The following TMCC1 variants were observed in gnomAD, a reference collection of about 807,000 sequenced individuals.
The protein encoded by TMCC1 is transmembrane and coiled-coil domain family 1.
In TMCC1, 15 loss-of-function variants were observed where a neutral mutation model predicts 52.4. The observed-to-expected ratio is 0.29, with a 90% CI of 0.19 to 0.44. The LOEUF is 0.44. TMCC1 is among the 20% of genes least tolerant of loss of function. The pLI is 1.00. For missense variants in TMCC1, 503 were observed against 806.0 expected (o/e 0.62, Z 4.55); for synonymous variants, 279 against 301.9 (o/e 0.92, Z 0.79).
intron 3 of TMCC1, among the ~76,000 whole-genome samples, chr3:129,831,111 T>C (rs2058889957): frequency 6.6e-6 from 1 of 152,128 alleles, no homozygotes. Flanking sequence ...ATTTTTGTAT[T>C]TTTAGAGAGA....
At chr3:129,722,220 C>T (rs1443639547) in intron 4 of TMCC1, among the ~76,000 whole-genome samples, 1 of 152,148 alleles carries the variant, frequency 6.6e-6, no homozygotes, top group African/African-American at 2.4e-5. Flanking sequence ...AGTATTACCA[C>T]CTGAGCTCCA....
rs1206633650 is a variant in TMCC1 at position 129,817,184 on chromosome 3, T to TA, written c.576+10618dup. Among the ~76,000 whole-genome samples, 14 of 151,994 alleles carry TA rather than the reference T, an allele frequency of 9.2e-5. No individual in the cohort carries two copies. The South Asian group carries it at 2.7e-3, about 29-fold the overall frequency. ...CAATTTTAAAAGATAAAATTTAAAT[T>TA]AAAAAAAAGGCAAGCACATTTGAAT... On this transcript the variant is annotated intron_variant, in intron 4 of 6. Coordinates refer to ENST00000393238, the MANE Select transcript of TMCC1 (RefSeq NM_001017395.5).
At chr3:129,827,308 T>C (rs556730216) in intron 4 of TMCC1, among the ~76,000 whole-genome samples, 3 of 152,366 alleles carry the variant, frequency 2.0e-5, no homozygotes, top group African/African-American at 7.2e-5. Flanking sequence ...ATAATGTATA[T>C]GCTCTACTGT....
intron 4 of TMCC1, among the ~76,000 whole-genome samples, chr3:129,683,257 C>T (rs1221810219): frequency 1.3e-5 from 2 of 152,150 alleles, no homozygotes; most frequent in African/African-American, 4.8e-5. Context: ...TCCTTTTTTC[C>T]ATTCTACCTT....
At chr3:129,764,971 T>C (rs2107688335) in intron 4 of TMCC1, among the ~76,000 whole-genome samples, 1 of 150,786 alleles carries the variant, frequency 6.6e-6, no homozygotes, top group Non-Finnish European at 1.5e-5. Context: ...CCAGCTAATT[T>C]TTAATGTTTT....
At chr3:129,729,071 G>A (rs1315424913) in intron 4 of TMCC1, among the ~76,000 whole-genome samples, 1 of 151,836 alleles carries the variant, frequency 6.6e-6, no homozygotes, top group Non-Finnish European at 1.5e-5. Flanking sequence ...CATGTTTCTA[G>A]GTTAAATACC....
At chr3:129,798,916 T>C (rs1242268324) in intron 4 of TMCC1, among the ~76,000 whole-genome samples, 1 of 152,186 alleles carries the variant, frequency 6.6e-6, no homozygotes, top group African/African-American at 2.4e-5. Context: ...GCCCCTTAAA[T>C]GAGATTCTTT....
intron 4 of TMCC1, among the ~76,000 whole-genome samples, chr3:129,717,167 T>C (rs2049173509): frequency 6.6e-6 from 1 of 152,204 alleles, no homozygotes; most frequent in African/African-American, 2.4e-5. Flanking sequence ...CAAATTATTT[T>C]CTTCCCATTC....
intron 4 of TMCC1, among the ~76,000 whole-genome samples, chr3:129,690,187 T>C (rs1486749969): frequency 6.6e-6 from 1 of 152,240 alleles, no homozygotes; most frequent in Non-Finnish European, 1.5e-5. Context: ...TCAGTTGTGA[T>C]TTCAATTTGA....
chr3:129,653,173 G>A (rs535913357), intron 6 of TMCC1, among the ~76,000 whole-genome samples: 1 of 152,048 alleles, frequency 6.6e-6, no homozygotes, highest in Non-Finnish European at 1.5e-5. Context: ...TTATAGTATG[G>A]CTAGGCTATG....
chr3:129,709,358 C>T (rs181046085), intron 4 of TMCC1, among the ~76,000 whole-genome samples: 84 of 151,452 alleles, frequency 5.5e-4, no homozygotes, highest in Non-Finnish European at 9.0e-4. Context: ...TGCCTACAGT[C>T]CCACCTACTT....
intron 4 of TMCC1, among the ~76,000 whole-genome samples, chr3:129,741,977 C>T (rs2051498682): frequency 1.3e-5 from 2 of 152,078 alleles, no homozygotes; most frequent in Non-Finnish European, 2.9e-5. Context: ...ATTTAAATTC[C>T]TCCTTTAAAG....
intron 4 of TMCC1, among the ~76,000 whole-genome samples, chr3:129,785,570 CACACACACACACACAA>C (rs1264032039): frequency 1.4e-5 from 2 of 146,820 alleles, no homozygotes; most frequent in Admixed American, 1.3e-4. Flanking sequence ...TACACACACA[CACACACACACACACAA>C]ACACACACAC....
At chr3:129,679,066 T>TC (rs2088731229) in intron 4 of TMCC1, among the ~76,000 whole-genome samples, 1 of 152,128 alleles carries the variant, frequency 6.6e-6, no homozygotes, top group East Asian at 1.9e-4. Flanking sequence ...TCCCATAAAC[T>TC]CCGTGACTTC....
chr3:129,783,227 T>C (rs998322754), intron 4 of TMCC1, among the ~76,000 whole-genome samples: 1 of 152,240 alleles, frequency 6.6e-6, no homozygotes, highest in Non-Finnish European at 1.5e-5. Context: ...CAGATCCTTA[T>C]TAGTCTCTAT....
intron 4 of TMCC1, among the ~76,000 whole-genome samples, chr3:129,711,264 TTTAA>T (rs1427623013): frequency 2.0e-5 from 3 of 152,210 alleles, no homozygotes; most frequent in Admixed American, 6.5e-5. Context: ...CCAAAGTTTA[TTTAA>T]TTCTCATGTC....
chr3:129,723,911 GAT>G (rs2049860483), intron 4 of TMCC1, among the ~76,000 whole-genome samples: 1 of 82,824 alleles, frequency 1.2e-5, no homozygotes, highest in South Asian at 5.2e-4. Context: ...TTCAGGATGA[GAT>G]TTTTTTTTTT....
intron 4 of TMCC1, among the ~76,000 whole-genome samples, chr3:129,737,699 C>A (rs1459828610): frequency 3.9e-5 from 6 of 152,144 alleles, no homozygotes; most frequent in Admixed American, 1.3e-4. Context: ...AGTAGCCCTA[C>A]AAACTAAGAC....
chr3:129,809,246 C>CAAA (rs11418962), intron 4 of TMCC1, among the ~76,000 whole-genome samples: 34 of 91,102 alleles, frequency 3.7e-4, no homozygotes, highest in Non-Finnish European at 5.5e-4. Context: ...GATTCCATCT[C>CAAA]AAAAAAAAAA....
Sources: gnomAD v4.1 joint callset for allele counts (sites outside exome capture counted in the v4.1 genomes callset) on GRCh38, gnomAD v4.1.1 for gene constraint, MANE v1.5 for transcripts, NCBI Gene and HGNC (gene_info 2026-07-23, HGNC 2026-07-21) for gene names.